PPP1R1C: variants seen among roughly 807,000 people sequenced by gnomAD.
The protein encoded by PPP1R1C is protein phosphatase 1 regulatory subunit 1C.
PPP1R1C carries 15 observed loss-of-function variants against 17.4 expected under a neutral mutation model. The ratio of observed to expected loss-of-function variants is 0.86; its 90% CI spans 0.58 to 1.33. The LOEUF is 1.33. Ranked by LOEUF, PPP1R1C falls within the 40% of genes most tolerant of loss-of-function variation. PPP1R1C has a pLI of 0.00. For synonymous variants in PPP1R1C, 35 were observed against 43.1 expected, an observed-to-expected ratio of 0.81 and a Z score of 0.73; for missense variants, 143 against 130.0, an observed-to-expected ratio of 1.10 and a Z score of -0.48.
chr2:182,131,311 C>T (rs1690002907), downstream of PPP1R1C: 1 of 151,780 alleles, frequency 6.6e-6, no homozygotes, highest in African/African-American at 2.4e-5. Flanking sequence ...ATAAAATGTA[C>T]ACTAAATATG....
intron 2 of PPP1R1C, among the ~76,000 whole-genome samples, chr2:182,029,831 C>T (rs1289365087): frequency 2.3e-5 from 1 of 43,920 alleles, no homozygotes; most frequent in Non-Finnish European, 4.3e-5. Flanking sequence ...TCCATTCTCC[C>T]CATCACTTTC....
chr2:182,033,253 A>G (rs929612864), intron 2 of PPP1R1C, among the ~76,000 whole-genome samples: 7 of 152,156 alleles, frequency 4.6e-5, no homozygotes, highest in Admixed American at 3.3e-4. Flanking sequence ...TAGAGCTTGT[A>G]ATACCTATTC....
chr2:182,102,074 C>G (rs1689112686), intron 4 of PPP1R1C, among the ~76,000 whole-genome samples: 1 of 152,042 alleles, frequency 6.6e-6, no homozygotes, highest in African/African-American at 2.4e-5. Context: ...ATTAGCACAA[C>G]AGAAATTATG....
intron 4 of PPP1R1C, among the ~76,000 whole-genome samples, chr2:182,065,026 A>G (rs886093281): frequency 1.3e-5 from 2 of 152,136 alleles, no homozygotes; most frequent in Non-Finnish European, 2.9e-5. Flanking sequence ...TCTTAAACCG[A>G]AAGTCTCAAG....
chr2:182,053,832 G>A (rs1687600374), intron 2 of PPP1R1C, among the ~76,000 whole-genome samples: 1 of 151,802 alleles, frequency 6.6e-6, no homozygotes, highest in Non-Finnish European at 1.5e-5. Flanking sequence ...CTAGGCTGGA[G>A]TGCAGTGGTG....
chr2:181,955,729 ACTAT>A (rs1485355537), intron 1 of PPP1R1C, among the ~76,000 whole-genome samples: 2 of 152,224 alleles, frequency 1.3e-5, no homozygotes, highest in African/African-American at 4.8e-5. Context: ...GAGCTTATAC[ACTAT>A]CTTTTTCATA....
chr2:181,990,042 A>C (rs575426504), intron 2 of PPP1R1C, among the ~76,000 whole-genome samples: 2 of 152,354 alleles, frequency 1.3e-5, no homozygotes, highest in East Asian at 3.9e-4. Context: ...ACAAAGAAAC[A>C]AACAGCAAAA....
intron 4 of PPP1R1C, among the ~76,000 whole-genome samples, chr2:182,079,826 G>A (rs973585871): frequency 6.6e-6 from 1 of 152,112 alleles, no homozygotes; most frequent in Non-Finnish European, 1.5e-5. Flanking sequence ...CAAGTCCTCA[G>A]GTGTTTCTGG....
At chr2:181,970,946 G>T (rs1684995469) in intron 1 of PPP1R1C, among the ~76,000 whole-genome samples, 1 of 152,076 alleles carries the variant, frequency 6.6e-6, no homozygotes, top group South Asian at 2.1e-4. Context: ...ATGCTGCCAG[G>T]CCTGGGCTGT....
intron 2 of PPP1R1C, among the ~76,000 whole-genome samples, chr2:182,024,282 T>C (rs1574386323): frequency 6.6e-6 from 1 of 152,178 alleles, no homozygotes; most frequent in Non-Finnish European, 1.5e-5. Context: ...GTTAAATAAC[T>C]ATGTTTTGGA....
intron 2 of PPP1R1C, among the ~76,000 whole-genome samples, chr2:182,027,277 C>T (rs1271870230): frequency 7.6e-6 from 1 of 130,862 alleles, no homozygotes; most frequent in Non-Finnish European, 1.6e-5. Flanking sequence ...GAGGGCATCC[C>T]TGTCTTGTGC....
At chr2:181,981,073 C>T (rs1685185458), upstream of PPP1R1C, among the ~76,000 whole-genome samples, 1 of 150,638 alleles carries the variant, frequency 6.6e-6, no homozygotes, top group South Asian at 2.1e-4. Context: ...GGACTACAGG[C>T]GCCCGCCACT....
At chr2:181,965,569 G>A (rs1208412824) in intron 1 of PPP1R1C, among the ~76,000 whole-genome samples, 1 of 152,136 alleles carries the variant, frequency 6.6e-6, no homozygotes, top group Non-Finnish European at 1.5e-5. Flanking sequence ...TTTCCTCAAT[G>A]TATGTTCTTG....
intron 2 of PPP1R1C, among the ~76,000 whole-genome samples, chr2:182,022,339 G>C (rs1465809049): frequency 6.6e-6 from 1 of 152,104 alleles, no homozygotes; most frequent in East Asian, 1.9e-4. Flanking sequence ...TCATAAATCT[G>C]GGTATAGACA....
chr2:182,012,475 C>A (rs555730787), intron 2 of PPP1R1C, among the ~76,000 whole-genome samples: 1 of 151,860 alleles, frequency 6.6e-6, no homozygotes, highest in Non-Finnish European at 1.5e-5. Context: ...TTTTTGATCC[C>A]TTTATGTTCA....
intron 2 of PPP1R1C, among the ~76,000 whole-genome samples, chr2:182,017,116 A>C (rs1686283793): frequency 1.3e-5 from 2 of 152,206 alleles, no homozygotes; most frequent in Non-Finnish European, 2.9e-5. Flanking sequence ...TTCTTCTAAC[A>C]GTAGACATTC....
At chr2:182,007,859 G>A (rs942068300) in intron 2 of PPP1R1C, among the ~76,000 whole-genome samples, 1 of 152,088 alleles carries the variant, frequency 6.6e-6, no homozygotes, top group South Asian at 2.1e-4. Flanking sequence ...TCAGGAGATC[G>A]AGACCATCCT....
chr2:182,045,078 A>G (rs1687303040), intron 2 of PPP1R1C, among the ~76,000 whole-genome samples: 1 of 152,168 alleles, frequency 6.6e-6, no homozygotes, highest in Non-Finnish European at 1.5e-5. Flanking sequence ...CAGTTCTTCC[A>G]TATAGCTACT....
intron 1 of PPP1R1C, among the ~76,000 whole-genome samples, chr2:181,971,559 G>A (rs1685007114): frequency 6.6e-6 from 1 of 152,090 alleles, no homozygotes; most frequent in African/African-American, 2.4e-5. Context: ...GCACTCCCTT[G>A]GCCACCCCAG....
Sources: gnomAD v4.1 joint callset for allele counts (sites outside exome capture counted in the v4.1 genomes callset) on GRCh38, gnomAD v4.1.1 for gene constraint, MANE v1.5 for transcripts, NCBI Gene and HGNC (gene_info 2026-07-23, HGNC 2026-07-21) for gene names.